CRMP1: variants seen among roughly 807,000 people sequenced by gnomAD.
The protein encoded by CRMP1 is dihydropyrimidinase-related protein 1.
A neutral mutation model predicts 68.3 loss-of-function variants in CRMP1; 19 were observed. The ratio of observed to expected loss-of-function variants is 0.28; its 90% CI spans 0.19 to 0.41. The LOEUF (loss-of-function observed/expected upper bound fraction) is 0.41, where lower values mean the gene tolerates loss of function less well. CRMP1 is among the 10% of genes least tolerant of loss of function. CRMP1 has a pLI of 1.00. For missense variants in CRMP1, 791 were observed against 967.4 expected, an observed-to-expected ratio of 0.82 and a Z score of 2.42; for synonymous variants, 439 against 399.6, an observed-to-expected ratio of 1.10 and a Z score of -1.18.
intron 6 of CRMP1, among the ~76,000 whole-genome samples, chr4:5,847,643 G>A (rs1007721594): frequency 6.6e-6 from 1 of 152,182 alleles, no homozygotes; most frequent in Non-Finnish European, 1.5e-5. Context: ...AAGAAGTGAA[G>A]TCAATGAACC....
intron 9 of CRMP1, among the ~76,000 whole-genome samples, 161 bp from the exon 10 acceptor site, chr4:5,837,067 G>C (rs1469608626): frequency 6.6e-6 from 1 of 152,206 alleles, no homozygotes; most frequent in East Asian, 1.9e-4. Flanking sequence ...CGTGTCACAA[G>C]TCAGGGATGC....
At chr4:5,823,454 A>G (rs1347571389) in intron 13 of CRMP1, among the ~76,000 whole-genome samples, 4 of 152,176 alleles carry the variant, frequency 2.6e-5, no homozygotes, top group Non-Finnish European at 5.9e-5. Flanking sequence ...AAAAAAGGAC[A>G]CTAATATGGT....
chr4:5,884,441 C>A (rs1047670816), intron 1 of CRMP1, among the ~76,000 whole-genome samples: 1 of 151,482 alleles, frequency 6.6e-6, no homozygotes, highest in African/African-American at 2.4e-5. Context: ...CATACACTTA[C>A]ATTTACATAC....
At position 5,851,404 on chromosome 4, in the gene CRMP1, C is replaced by T. The variant is rs765631720; in HGVS notation, c.882+4G>A. On this transcript the variant is annotated splice_donor_region_variant and intron_variant, in intron 5 of 13. Coordinates refer to ENST00000324989, the MANE Select transcript of CRMP1 (RefSeq NM_001014809.3). ...AGAGGAGAGAGTGAGTGTGAGGGAC[C>T]TACCTGGCTGTCGGACATTTGGTAG... 7 of 1,614,014 alleles carry T rather than the reference C, an allele frequency of 4.3e-6. No homozygotes were observed. In the Admixed American group the frequency reaches 8.3e-5, roughly 19 times the overall value.
rs1366889968 is a variant in CRMP1 at position 5,890,137 on chromosome 4, C to A, written c.381+2452G>T. The A allele has an allele frequency of 1.5e-5, 3 of 204,456 alleles. No individual in the cohort carries two copies. Among genetic ancestry groups the A allele is most frequent in the Non-Finnish European group, 3.0e-5 (3 of 99,982 alleles). The allele number at this position is 204,456 out of a possible 1,614,324, so 12.7% of individuals were successfully genotyped here. On this transcript the variant is annotated intron_variant, in intron 1 of 13. Coordinates refer to ENST00000324989, the MANE Select transcript of CRMP1 (RefSeq NM_001014809.3). The surrounding 1 kb of genome is among the most constrained non-coding windows in gnomAD (Gnocchi z 5.5). ...TTGCAGATGGGGACACTGTCCCTCC[C>A]CAACTCCTACACTCCCTTCCTTGGA...
chr4:5,845,222 C>A (rs533317675), intron 6 of CRMP1, among the ~76,000 whole-genome samples: 1 of 152,288 alleles, frequency 6.6e-6, no homozygotes, highest in East Asian at 1.9e-4. Context: ...CCTGCAGGGT[C>A]CCCTCCCCTG....
Position 5,825,913 on chromosome 4 carries a change from C to T in CRMP1, c.1804-254G>A, listed in dbSNP as rs570728511. The T allele has an allele frequency of 0.036, 18,563 of 511,740 alleles. 431 individuals carry two copies. The highest frequency in any genetic ancestry group is 0.056 in the African/African-American group (2,794 of 49,678). 31.7% of individuals were successfully genotyped at this position (511,740 alleles called of 1,614,324 possible). ...CATACACATACAGACGCACACACCACGCACACGCACTCACATACATGCAGT... is the reference window on the plus strand; with the variant it reads ...CATACACATACAGACGCACACACCATGCACACGCACTCACATACATGCAGT... On this transcript the variant is annotated intron_variant, in intron 12 of 13. Coordinates refer to ENST00000324989, the MANE Select transcript of CRMP1 (RefSeq NM_001014809.3). This position sits in a 1 kb window ranked among gnomAD's most constrained non-coding sequence, Gnocchi z 4.4.
rs1715868396 is a variant in CRMP1 at position 5,890,037 on chromosome 4, C to T, written c.381+2552G>A. The T allele has an allele frequency of 1.5e-6, 1 of 662,106 alleles. No individual in the cohort carries two copies. The highest frequency in any genetic ancestry group is 2.0e-6 in the Non-Finnish European group (1 of 501,724). 41.0% of individuals were successfully genotyped at this position (662,106 alleles called of 1,614,324 possible). Reference sequence around the variant, plus strand: ...GCCAGGTTCCCCTACACTCTGTTTACAACTCATTTCCCTCCACGCATTCAT... The same window carrying T: ...GCCAGGTTCCCCTACACTCTGTTTATAACTCATTTCCCTCCACGCATTCAT... On this transcript the variant is annotated intron_variant, in intron 1 of 13. Coordinates refer to ENST00000324989, the MANE Select transcript of CRMP1 (RefSeq NM_001014809.3). This position sits in a 1 kb window ranked among gnomAD's most constrained non-coding sequence, Gnocchi z 5.5.
rs367939751 is a variant in CRMP1 at position 5,884,495 on chromosome 4, C to T, written c.381+8094G>A. 9.9e-4 allele frequency among the ~76,000 whole-genome samples: 150 copies of T among 151,668 alleles called. No individual in the cohort carries two copies. In the South Asian group the frequency reaches 0.019, roughly 19 times the overall value. The stretch of plus-strand genomic sequence containing the variant: ...ACAACTATGCATGCACACACACACA[C>T]GGGCAGTGGTTTTCCTAGCACGCAG... On this transcript the variant is annotated intron_variant, in intron 1 of 13. Transcript: ENST00000324989.
At chr4:5,847,050 G>A (rs116234664) in intron 6 of CRMP1, among the ~76,000 whole-genome samples, 1 of 152,100 alleles carries the variant, frequency 6.6e-6, no homozygotes, top group South Asian at 2.1e-4. Flanking sequence ...CAAGAGCTAT[G>A]GAGACTTATT....
chr4:5,892,636 G>A lies in CRMP1; in HGVS notation c.334C>T (p.Arg112Cys). The A allele has an allele frequency of 8.4e-7, 1 of 1,193,342 alleles. No homozygotes were observed. The highest frequency in any genetic ancestry group is 1.0e-6 in the Non-Finnish European group (1 of 963,170). The allele number at this position is 1,193,342 out of a possible 1,614,324, so 73.9% of individuals were successfully genotyped here. ...RDERPPTLRI[R>C]RPAPRDLPLG... ...GGCAGGTCGCGGGGCGCGGGGCGGC[G>A]GATGCGCAGCGTCGGCGGCCGCTCG... Residue 112 changes from arginine to cysteine, a missense_variant, in exon 1 of 14, where the codon CGC becomes TGC. Around this residue, in one of 3 missense-constraint regions of CRMP1, gnomAD observed 193 missense variants for 186.3 expected, o/e 1.04. Transcript: ENST00000324989. This position sits in a 1 kb window ranked among gnomAD's most constrained non-coding sequence, Gnocchi z 8.6.
chr4:5,839,512 C>G lies in CRMP1; in HGVS notation c.1310+10G>C. The stretch of plus-strand genomic sequence containing the variant: ...TGCCTCCCCCAGCCCCACGTTCTCA[C>G]AGGTCTCACCAGGCCAGTAGGGAGG... On this transcript the variant is annotated intron_variant, in intron 9 of 13. Transcript: ENST00000324989. 1 of 1,601,686 alleles carries G rather than the reference C, an allele frequency of 6.2e-7. No homozygotes were observed. Among genetic ancestry groups the G allele is most frequent in the East Asian group, 2.2e-5 (1 of 44,568 alleles).
intron 6 of CRMP1, among the ~76,000 whole-genome samples, chr4:5,844,285 G>A (rs1427500717): frequency 2.8e-5 from 4 of 145,242 alleles, no homozygotes; most frequent in Admixed American, 2.2e-4. Context: ...TTAGAATACC[G>A]AGAAATCCCT....
In CRMP1 at chr4:5,821,831, T is replaced by G. The variant is rs758089833; in HGVS notation, c.1990A>C (p.Asn664His). 1.2e-6 allele frequency: 2 copies of G among 1,608,852 alleles called. No homozygotes were observed. Among genetic ancestry groups the G allele is most frequent in the African/African-American group, 1.3e-5 (1 of 75,010 alleles). Reference sequence around the variant, plus strand: ...ATGCGGTGGCCGGTGCGCCTGGGATTGTTGTCATCTATCTGGGCACCTGAA... The same window carrying G: ...ATGCGGTGGCCGGTGCGCCTGGGATGGTTGTCATCTATCTGGGCACCTGAA... ...SLSGAQIDDN[N>H]PRRTGHRIVA... The change falls in exon 14 of 14, where the codon AAT (asparagine) becomes CAT (histidine). Residue 664 changes from asparagine to histidine, a missense_variant. Transcript: ENST00000324989. This position sits in a 1 kb window ranked among gnomAD's most constrained non-coding sequence, Gnocchi z 4.4.
rs531332141 is a variant in CRMP1, at chr4:5,867,613, A to C, written c.382-857T>G. Among the ~76,000 whole-genome samples, 3 of 152,132 alleles carry C rather than the reference A, an allele frequency of 2.0e-5. No homozygotes were observed. The South Asian group carries it at 6.2e-4, about 32-fold the overall frequency. On this transcript the variant is annotated intron_variant, in intron 1 of 13. Coordinates refer to ENST00000324989, the MANE Select transcript of CRMP1 (RefSeq NM_001014809.3). ...CGATCAGCTACCGACTGATGCTCTC[A>C]GCTCCAGAGGGGACCAGGCACAGAG...
rs983344104 is a variant in CRMP1 at position 5,839,655 on chromosome 4, T to G, written c.1177A>C (p.Ile393Leu). The change falls in exon 9 of 14, where the codon ATT becomes CTT. Residue 393 changes from isoleucine to leucine, a missense_variant. Ile to Leu is a conservative substitution (Grantham distance 5). Transcript: ENST00000324989. ...CCATCGGTCCCCAGGCTGGCGGCAA[T>G]GGGCTCTCCAAAAACTAGGGGCCCT... ...KKGPLVFGEP[I>L]AASLGTDGTH... is the part of the protein sequence containing the mutation. 9 of 1,612,706 alleles carry G rather than the reference T, an allele frequency of 5.6e-6. No homozygotes were observed. The African/African-American group carries it at 1.1e-4, about 19-fold the overall frequency.
intron 1 of CRMP1, among the ~76,000 whole-genome samples, chr4:5,873,289 A>G (rs188128561): frequency 2.0e-5 from 3 of 152,372 alleles, no homozygotes; most frequent in African/African-American, 7.2e-5. Context: ...GGTATTAGCC[A>G]CACAGCAAAG....
At position 5,842,870 on chromosome 4, in the gene CRMP1, C is replaced by T. The variant is rs919791876; in HGVS notation, c.1032+223G>A. On this transcript the variant is annotated intron_variant, in intron 7 of 13. Coordinates refer to ENST00000324989, the MANE Select transcript of CRMP1 (RefSeq NM_001014809.3). This position sits in a 1 kb window ranked among gnomAD's most constrained non-coding sequence, Gnocchi z 4.5. ...TTGGGACACTGAAGCACCCACGGGG[C>T]CTTGGAGTGAAGTTCCAGGACCCTG... is the stretch of plus-strand genomic sequence containing the variant. Among the ~76,000 whole-genome samples, 6 of 152,136 alleles carry T rather than the reference C, an allele frequency of 3.9e-5. No homozygotes were observed. Among genetic ancestry groups the T allele is most frequent in the African/African-American group, 2.4e-5 (1 of 41,432 alleles).
intron 9 of CRMP1, among the ~76,000 whole-genome samples, chr4:5,837,875 G>C (rs73208603): frequency 0.055 from 8,337 of 152,096 alleles, 299 homozygotes; most frequent in Non-Finnish European, 0.083. Context: ...TATGTGCCCG[G>C]TACAATTTAA....
Sources: allele counts gnomAD v4.1 joint callset (sites outside exome capture counted in the v4.1 genomes callset), GRCh38; gene constraint gnomAD v4.1.1; regional missense constraint gnomAD v4.1.1; non-coding constraint Gnocchi (gnomAD v3.1); transcripts MANE v1.5; gene names NCBI Gene and HGNC (gene_info 2026-07-23, HGNC 2026-07-21).